The following MARCHF4 variants were observed in gnomAD, a reference collection of about 807,000 sequenced individuals.
MARCHF4 encodes the protein E3 ubiquitin-protein ligase MARCHF4.
A neutral mutation model predicts 43.9 loss-of-function variants in MARCHF4; 14 were observed. That is an observed-to-expected ratio of 0.32 (90% CI 0.21 to 0.50). The LOEUF is 0.50. Ranked by LOEUF, MARCHF4 falls within the 20% of genes least tolerant of loss-of-function variation. The probability of loss-of-function intolerance (pLI) is 0.98; values close to 1 mark genes in which losing one functional copy is unlikely to be tolerated. For missense variants in MARCHF4, 468 were observed against 536.7 expected (o/e 0.87, Z 1.27); for synonymous variants, 226 against 213.3 (o/e 1.06, Z -0.52).
chr2:216,278,305 G>T (rs1691062856), intron 2 of MARCHF4, among the ~76,000 whole-genome samples: 1 of 152,126 alleles, frequency 6.6e-6, no homozygotes, highest in Non-Finnish European at 1.5e-5. Flanking sequence ...CTCATTGCAA[G>T]CTCCACCTCC....
At chr2:216,328,180 G>GT (rs945508136) in intron 1 of MARCHF4, among the ~76,000 whole-genome samples, 3 of 151,734 alleles carry the variant, frequency 2.0e-5, no homozygotes, top group Non-Finnish European at 4.4e-5. Context: ...TTTTGTTTTG[G>GT]TTTTTTTTGA....
rs1692754029 is a variant in MARCHF4 at position 216,371,205 on chromosome 2, G to A, written c.-945C>T. 1 of 152,766 alleles carries A rather than the reference G, an allele frequency of 6.5e-6. No homozygotes were observed. The highest frequency in any genetic ancestry group is 1.5e-5 in the Non-Finnish European group (1 of 68,356). The allele number at this position is 152,766 out of a possible 1,614,324, so 9.5% of individuals were successfully genotyped here. A position where few individuals can be genotyped will look rare whatever the true frequency, so the allele number is the denominator to read the frequency against. ...GTGTGTACCGGGGTGAGAGGGCAGT[G>A]GAGCAGAGAATAGGGGTAGAGGAGA... On this transcript the variant is annotated 5_prime_UTR_variant, in exon 1 of 4. Transcript: ENST00000273067.
intron 1 of MARCHF4, among the ~76,000 whole-genome samples, chr2:216,343,360 T>A (rs1458119792): frequency 6.6e-6 from 1 of 152,182 alleles, no homozygotes; most frequent in Non-Finnish European, 1.5e-5. Flanking sequence ...CTTGCTGTAT[T>A]CTTACATGGC....
intron 1 of MARCHF4, among the ~76,000 whole-genome samples, chr2:216,297,122 T>C (rs1274102747): frequency 6.6e-6 from 1 of 152,216 alleles, no homozygotes; most frequent in Non-Finnish European, 1.5e-5. Context: ...TAGACTTCGG[T>C]CTGTTGACTC....
intron 3 of MARCHF4, among the ~76,000 whole-genome samples, chr2:216,269,509 T>C (rs531712805): frequency 6.6e-6 from 1 of 152,310 alleles, no homozygotes; most frequent in South Asian, 2.1e-4. Flanking sequence ...AGCAGACTTT[T>C]AATGACGTGA....
intron 1 of MARCHF4, among the ~76,000 whole-genome samples, chr2:216,296,045 T>C (rs1691386489): frequency 6.6e-6 from 1 of 151,232 alleles, no homozygotes; most frequent in Non-Finnish European, 1.5e-5. Context: ...ACTAGGGGGG[T>C]TGAGGCAGGA....
chr2:216,278,426 T>C (rs1019643758), intron 2 of MARCHF4, among the ~76,000 whole-genome samples: 1 of 152,098 alleles, frequency 6.6e-6, no homozygotes, highest in African/African-American at 2.4e-5. Context: ...AGGGTTTCAC[T>C]GTGTTAGCCA....
At chr2:216,259,782 C>T (rs1376244748) in intron 3 of MARCHF4, 103 bp from the exon 4 acceptor site, 10 of 1,193,174 alleles carry the variant, frequency 8.4e-6, no homozygotes, top group African/African-American at 1.5e-5. Flanking sequence ...TGGGCAATGG[C>T]TCCAGTGCTG....
chr2:216,342,633 C>A (rs1692255199), intron 1 of MARCHF4, among the ~76,000 whole-genome samples: 1 of 152,074 alleles, frequency 6.6e-6, no homozygotes, highest in Non-Finnish European at 1.5e-5. Flanking sequence ...TTCTGGAGTT[C>A]ATTCTTGTGG....
intron 1 of MARCHF4, among the ~76,000 whole-genome samples, chr2:216,292,367 A>G: frequency 6.6e-6 from 1 of 152,242 alleles, no homozygotes; most frequent in East Asian, 1.9e-4. Context: ...GTGAAGACTC[A>G]GAGAATCTAG....
chr2:216,350,207 T>C (rs1692378915), intron 1 of MARCHF4, among the ~76,000 whole-genome samples: 1 of 148,980 alleles, frequency 6.7e-6, no homozygotes, highest in Non-Finnish European at 1.5e-5. Context: ...TACGCCACTG[T>C]CTCATCATGC....
At chr2:216,362,665 A>T (rs191686863) in intron 1 of MARCHF4, among the ~76,000 whole-genome samples, 1 of 152,252 alleles carries the variant, frequency 6.6e-6, no homozygotes, top group African/African-American at 2.4e-5. Flanking sequence ...GATAGAACCT[A>T]TATTTGGAAA....
chr2:216,269,112 A>G (rs1294565092), intron 3 of MARCHF4, among the ~76,000 whole-genome samples: 2 of 152,222 alleles, frequency 1.3e-5, no homozygotes, highest in Non-Finnish European at 2.9e-5. Context: ...TCTCAGGAAC[A>G]TTCCTTTCCT....
intron 1 of MARCHF4, among the ~76,000 whole-genome samples, chr2:216,324,577 G>A (rs1691956972): frequency 1.3e-5 from 2 of 151,514 alleles, no homozygotes. Context: ...TAAAATACTG[G>A]CAAACCGAAT....
intron 3 of MARCHF4, among the ~76,000 whole-genome samples, chr2:216,260,977 G>A (rs538884535): frequency 6.6e-6 from 1 of 152,308 alleles, no homozygotes; most frequent in Non-Finnish European, 1.5e-5. Context: ...CGCAGGGTGG[G>A]AGTGAAGAGA....
At chr2:216,302,673 G>C (rs945018311) in intron 1 of MARCHF4, among the ~76,000 whole-genome samples, 38 of 151,574 alleles carry the variant, frequency 2.5e-4, no homozygotes, top group African/African-American at 9.0e-4. Flanking sequence ...TGAGGTGGGC[G>C]GATCACTTGA....
chr2:216,290,495 T>C (rs1574465408), intron 1 of MARCHF4, among the ~76,000 whole-genome samples: 1 of 152,266 alleles, frequency 6.6e-6, no homozygotes, highest in East Asian at 1.9e-4. Flanking sequence ...GGCTTGTGAA[T>C]CATTTTAAGG....
intron 1 of MARCHF4, among the ~76,000 whole-genome samples, chr2:216,361,170 A>T (rs1419652093): frequency 6.6e-6 from 1 of 152,220 alleles, no homozygotes; most frequent in Non-Finnish European, 1.5e-5. Flanking sequence ...AAAGACTCTG[A>T]GTCTAATGCC....
chr2:216,262,233 G>A (rs1690752773), intron 3 of MARCHF4, among the ~76,000 whole-genome samples: 1 of 152,204 alleles, frequency 6.6e-6, no homozygotes, highest in Non-Finnish European at 1.5e-5. Context: ...TTAGCTCACT[G>A]TGTTAAGTAT....
Sources: gnomAD v4.1 joint callset for allele counts (sites outside exome capture counted in the v4.1 genomes callset) on GRCh38, gnomAD v4.1.1 for gene constraint, MANE v1.5 for transcripts, NCBI Gene and HGNC (gene_info 2026-07-23, HGNC 2026-07-21) for gene names.